NOXRED1: variants seen among roughly 807,000 people sequenced by gnomAD.
NOXRED1 encodes the protein NADP-dependent oxidoreductase domain-containing protein 1.
NOXRED1 carries 20 observed loss-of-function variants against 30.4 expected under a neutral mutation model. The ratio of observed to expected loss-of-function variants is 0.66; its 90% CI spans 0.46 to 0.96. The LOEUF (loss-of-function observed/expected upper bound fraction) is 0.96, where lower values mean the gene tolerates loss of function less well. Among genes scored for constraint, NOXRED1 ranks in the 40% least tolerant of loss-of-function variants. The pLI is 0.00. For synonymous variants in NOXRED1, 155 were observed against 168.0 expected, an observed-to-expected ratio of 0.92 and a Z score of 0.60; for missense variants, 374 against 428.0, an observed-to-expected ratio of 0.87 and a Z score of 1.11.
chr14:77,397,881 CAAAA>C (rs34854528), intron 5 of NOXRED1, among the ~76,000 whole-genome samples: 1 of 102,544 alleles, frequency 9.8e-6, no homozygotes. Context: ...AACTCCATCT[CAAAA>C]AAAAAAAAAA....
At position 77,414,103 on chromosome 14, in the gene NOXRED1, A is replaced by G; in HGVS notation, c.180T>C (p.Ser60=). ...NLRASLNKNQ[S]SRHLSIGSLN... ...GGGAGCCAATTGAGAGATGTCTGGA[A>G]CTTTGATTCTTATTTAATGATGCTC... The change falls in exon 2 of 6, where the codon AGT becomes AGC. Residue 60 remains serine, a synonymous_variant. Coordinates refer to ENST00000380835, the MANE Select transcript of NOXRED1 (RefSeq NM_001113475.3). 6.3e-7 allele frequency: 1 copy of G among 1,597,392 alleles called. No homozygotes were observed. The highest frequency in any genetic ancestry group is 8.6e-7 in the Non-Finnish European group (1 of 1,167,176).
At chr14:77,414,218 G>C (rs992259288) in intron 1 of NOXRED1, 91 bp from the exon 2 acceptor site, 1 of 815,584 alleles carries the variant, frequency 1.2e-6, no homozygotes, top group Non-Finnish European at 1.8e-6. Context: ...GTCTTGCTTT[G>C]TCGCCCAGGT....
At chr14:77,412,357 G>A (rs904746764) in intron 2 of NOXRED1, among the ~76,000 whole-genome samples, 26 of 151,998 alleles carry the variant, frequency 1.7e-4, no homozygotes, top group Non-Finnish European at 2.4e-4. Flanking sequence ...GGTGTCTAGT[G>A]GTCTTAGCCA....
At position 77,423,444 on chromosome 14, in the gene NOXRED1, A is replaced by AT. The variant is rs1387965609; in HGVS notation, c.-556dup. Reference sequence around the variant, plus strand: ...TTTTACAAACTAAACTCAAAGTCATATAAACCCATCTACATATATCTATCA... The same window carrying AT: ...TTTTACAAACTAAACTCAAAGTCATATTAAACCCATCTACATATATCTATCA... On this transcript the variant is annotated 5_prime_UTR_variant, in exon 1 of 6. It introduces an in-frame stop codon into an upstream open reading frame of the 5' UTR. Transcript: ENST00000380835. 1 of 152,678 alleles carries AT rather than the reference A, an allele frequency of 6.5e-6. No individual in the cohort carries two copies. The highest frequency in any genetic ancestry group is 1.5e-5 in the Non-Finnish European group (1 of 68,396). The allele number at this position is 152,678 out of a possible 1,614,324, so 9.5% of individuals were successfully genotyped here.
chr14:77,400,399 C>T (rs904143048), intron 5 of NOXRED1, among the ~76,000 whole-genome samples: 9 of 152,114 alleles, frequency 5.9e-5, no homozygotes, highest in Non-Finnish European at 1.3e-4. Context: ...TTTATTTTGC[C>T]GAGGTTGTGG....
intron 5 of NOXRED1, among the ~76,000 whole-genome samples, chr14:77,397,406 G>T (rs1453426657): frequency 3.3e-5 from 5 of 152,210 alleles, no homozygotes; most frequent in South Asian, 2.1e-4. Context: ...GCAACATGAA[G>T]AATTCGTTAG....
intron 1 of NOXRED1, among the ~76,000 whole-genome samples, chr14:77,421,608 G>A (rs1027694815): frequency 6.6e-5 from 10 of 152,132 alleles, no homozygotes; most frequent in African/African-American, 2.4e-4. Context: ...AAACAAAAAA[G>A]AACAGAACTG....
chr14:77,425,996 C>A (rs1227257990), upstream of NOXRED1, among the ~76,000 whole-genome samples: 3 of 152,134 alleles, frequency 2.0e-5, no homozygotes, highest in East Asian at 5.8e-4. Flanking sequence ...GAGGCTGAAG[C>A]AGGAAGATTG....
At chr14:77,408,307 C>T (rs374559231) in intron 2 of NOXRED1, among the ~76,000 whole-genome samples, 6 of 152,148 alleles carry the variant, frequency 3.9e-5, no homozygotes, top group Non-Finnish European at 5.9e-5. Context: ...GGGATCCTCC[C>T]GCCTCAGCCT....
At chr14:77,420,242 T>C (rs1227088755) in intron 1 of NOXRED1, among the ~76,000 whole-genome samples, 1 of 152,184 alleles carries the variant, frequency 6.6e-6, no homozygotes, top group Non-Finnish European at 1.5e-5. Context: ...TGTGATCAAG[T>C]CTAATGTTGA....
At chr14:77,413,298 G>A (rs542386997) in intron 2 of NOXRED1, among the ~76,000 whole-genome samples, 11 of 150,764 alleles carry the variant, frequency 7.3e-5, no homozygotes, top group South Asian at 6.3e-4. Flanking sequence ...GAGTGCAGTG[G>A]TGTGATCTCA....
chr14:77,395,258 A>G (rs1233166263), intron 5 of NOXRED1, among the ~76,000 whole-genome samples: 3 of 151,618 alleles, frequency 2.0e-5, no homozygotes, highest in East Asian at 3.9e-4. Context: ...GGCGCCCGCC[A>G]CTACGCCCAG....
At chr14:77,406,634 C>CAGAG (rs71452847) in intron 4 of NOXRED1, 90 bp downstream of exon 4, 41 of 473,866 alleles carry the variant, frequency 8.7e-5, no homozygotes, top group Non-Finnish European at 1.3e-4. Flanking sequence ...CACACACACA[C>CAGAG]AGAGAGAGAG....
chr14:77,420,143 T>C (rs1388414397), intron 1 of NOXRED1, among the ~76,000 whole-genome samples: 4 of 152,138 alleles, frequency 2.6e-5, no homozygotes, highest in Non-Finnish European at 5.9e-5. Context: ...GTAAGTCCTC[T>C]AGATTTTCTT....
At chr14:77,418,279 C>T (rs1465481281) in intron 1 of NOXRED1, among the ~76,000 whole-genome samples, 2 of 151,948 alleles carry the variant, frequency 1.3e-5, no homozygotes, top group African/African-American at 4.8e-5. Context: ...GGACTACAGG[C>T]ACACACCATC....
intron 2 of NOXRED1, among the ~76,000 whole-genome samples, chr14:77,410,352 C>A (rs527825029): frequency 6.6e-6 from 1 of 152,146 alleles, no homozygotes; most frequent in East Asian, 1.9e-4. Context: ...ACACCTATAT[C>A]CCAGCACTTT....
chr14:77,394,857 T>C (rs1377797953), intron 5 of NOXRED1, 52 bp from the exon 6 acceptor site: 2 of 1,364,788 alleles, frequency 1.5e-6, no homozygotes, highest in African/African-American at 1.4e-5. Context: ...GTATATCTGA[T>C]TTGGCTGTTA....
At chr14:77,403,795 C>T (rs916935470) in intron 5 of NOXRED1, among the ~76,000 whole-genome samples, 2 of 152,126 alleles carry the variant, frequency 1.3e-5, no homozygotes, top group Non-Finnish European at 2.9e-5. Flanking sequence ...TCATAAGCTT[C>T]CAGAAAGGAA....
Position 77,398,918 on chromosome 14 carries a change from AAGATCGCG to A in NOXRED1, c.906-4121_906-4114del, listed in dbSNP as rs544995535. On this transcript the variant is annotated intron_variant, in intron 5 of 5. Coordinates refer to ENST00000380835, the MANE Select transcript of NOXRED1 (RefSeq NM_001113475.3). Reference sequence around the variant, plus strand: ...CAGGAGGCGGAGGTTCCAGTGAGCCAAGATCGCGCTATTGCACTCCAGCCTGGGCAACA... The same window carrying A: ...CAGGAGGCGGAGGTTCCAGTGAGCCACTATTGCACTCCAGCCTGGGCAACA... 7.0e-4 allele frequency among the ~76,000 whole-genome samples: 106 copies of A among 152,070 alleles called. 2 individuals carry two copies. The highest frequency in any genetic ancestry group is 1.3e-3 in the Non-Finnish European group (87 of 68,004).
Sources: allele counts gnomAD v4.1 joint callset (sites outside exome capture counted in the v4.1 genomes callset), GRCh38; gene constraint gnomAD v4.1.1; transcripts MANE v1.5; gene names NCBI Gene and HGNC (gene_info 2026-07-23, HGNC 2026-07-21).